Variants in LAMP2 observed in about 807,000 individuals in gnomAD.
LAMP2 encodes the protein lysosome associated membrane protein 2.
Under a neutral mutation model 25.6 loss-of-function variants are expected in LAMP2, and 4 were observed. The ratio of observed to expected loss-of-function variants is 0.16; its 90% CI spans 0.08 to 0.36. The LOEUF is 0.36. Among genes scored for constraint, LAMP2 ranks in the 10% least tolerant of loss-of-function variants. The pLI, the probability that LAMP2 is intolerant of heterozygous loss-of-function variation, is 1.00. For missense variants in LAMP2, 272 were observed against 301.4 expected, an observed-to-expected ratio of 0.90 and a Z score of 0.72; for synonymous variants, 108 against 112.7, an observed-to-expected ratio of 0.96 and a Z score of 0.27.
In LAMP2 at chrX:120,439,140, C is replaced by T. The variant is rs1014291449; in HGVS notation, c.1093+2590G>A. 1.4e-5 allele frequency: 17 copies of T among 1,207,544 alleles called. No homozygotes were observed. In the Admixed American group the frequency reaches 1.8e-4, roughly 12 times the overall value. The stretch of plus-strand genomic sequence containing the variant: ...CTTTTTTCTTTTGTAACAGAGATCA[C>T]GTATTGATTAGTGTTACAGAGTCTG... On this transcript the variant is annotated intron_variant, in intron 8 of 8. Transcript: ENST00000200639.
chrX:120,456,879 A>G, intron 1 of LAMP2, 110 bp from the exon 2 acceptor site: 1 of 443,075 alleles, frequency 2.3e-6, no homozygotes, highest in Non-Finnish European at 4.0e-6. Flanking sequence ...AATGAAACAA[A>G]AGTATTTTAT....
intron 6 of LAMP2, among the ~76,000 whole-genome samples, chrX:120,445,091 A>T (rs923237049): frequency 8.0e-5 from 9 of 112,405 alleles, no homozygotes; most frequent in Non-Finnish European, 1.5e-4. Context: ...GAAAGATCAA[A>T]CTCAATCACT....
chrX:120,436,166 A>T (rs868296141), intron 8 of LAMP2, among the ~76,000 whole-genome samples: 10 of 83,594 alleles, frequency 1.2e-4, no homozygotes, highest in East Asian at 4.8e-4. Flanking sequence ...ACACACACAC[A>T]CACACTCTCT....
intron 1 of LAMP2, among the ~76,000 whole-genome samples, chrX:120,457,951 C>T (rs2266791): frequency 0.32 from 35,743 of 111,522 alleles, 4,582 homozygotes; most frequent in Middle Eastern, 0.45. Flanking sequence ...AAGAGCCTAT[C>T]GTCATGCTCT....
chrX:120,442,493 T>A (rs1172931394), intron 7 of LAMP2, 106 bp downstream of exon 7: 1 of 659,426 alleles, frequency 1.5e-6, no homozygotes, highest in African/African-American at 2.1e-5. Flanking sequence ...TTACATAGCA[T>A]CTTCTGTTTC....
Position 120,429,723 on chromosome X carries a change from C to T in LAMP2, c.*1600G>A. On this transcript the variant is annotated 3_prime_UTR_variant, in exon 9 of 9. Transcript: ENST00000200639. ...CAGCTGTTGTTTTACTGTTGAGTGA[C>T]TAGATTTCATTAGGGGCAATTTTTA... 5.3e-6 allele frequency: 4 copies of T among 753,572 alleles called. No individual in the cohort carries two copies. Among genetic ancestry groups the T allele is most frequent in the South Asian group, 1.3e-4 (2 of 14,820 alleles). The allele number at this position is 753,572 out of a possible 1,213,427, so 62.1% of individuals were successfully genotyped here. A position where few individuals can be genotyped will look rare whatever the true frequency, so the allele number is the denominator to read the frequency against.
intron 8 of LAMP2, chrX:120,437,909 G>T: frequency 2.0e-6 from 1 of 495,454 alleles, no homozygotes; most frequent in Non-Finnish European, 2.5e-6. Context: ...AGGCTGGAGT[G>T]CAATGGTGCG....
chrX:120,446,461 T>C (rs1169017655), intron 5 of LAMP2, 34 bp from the exon 6 acceptor site: 1 of 1,202,399 alleles, frequency 8.3e-7, no homozygotes, highest in Non-Finnish European at 1.1e-6. Context: ...AAGGTACAGG[T>C]TAGCTATAAA....
intron 1 of LAMP2, among the ~76,000 whole-genome samples, chrX:120,458,028 T>C (rs777254737): frequency 4.3e-4 from 48 of 112,101 alleles, no homozygotes; most frequent in Non-Finnish European, 8.5e-4. Context: ...AGTGACTAAA[T>C]GCATTGGCTA....
At chrX:120,461,197 AT>A (rs945526277) in intron 1 of LAMP2, among the ~76,000 whole-genome samples, 1 of 111,451 alleles carries the variant, frequency 9.0e-6, no homozygotes, top group African/African-American at 3.3e-5. Context: ...ATCAGATTGT[AT>A]TTCTCTTCCT....
At chrX:120,443,020 C>G (rs2058580583) in intron 6 of LAMP2, among the ~76,000 whole-genome samples, 1 of 111,328 alleles carries the variant, frequency 9.0e-6, no homozygotes, top group South Asian at 3.8e-4. Flanking sequence ...CAGTCCTAAT[C>G]TTTCCTTTTC....
chrX:120,466,910 T>C (rs1175967034), intron 1 of LAMP2, among the ~76,000 whole-genome samples: 1 of 107,611 alleles, frequency 9.3e-6, no homozygotes, highest in Non-Finnish European at 1.9e-5. Flanking sequence ...TGGCGCAATC[T>C]TGGCTCACCG....
rs1020774241 is a variant in LAMP2 at position 120,430,295 on chromosome X, C to G, written c.*1028G>C. 1.5e-5 allele frequency: 11 copies of G among 753,002 alleles called. No individual in the cohort carries two copies. In the African/African-American group the frequency reaches 2.3e-4, roughly 16 times the overall value. The allele number at this position is 753,002 out of a possible 1,213,427, so 62.1% of individuals were successfully genotyped here. Reference sequence around the variant, plus strand: ...TTAATGCCAACAGCTTCTCTTTACACCCCCATCTATGCACTGCCCCACAGG... The same window carrying G: ...TTAATGCCAACAGCTTCTCTTTACAGCCCCATCTATGCACTGCCCCACAGG... On this transcript the variant is annotated 3_prime_UTR_variant, in exon 9 of 9. Coordinates refer to ENST00000200639, the MANE Select transcript of LAMP2 (RefSeq NM_002294.3).
rs769717509 is a variant in LAMP2, at chrX:120,428,456, A to C, written c.*2867T>G. 2.6e-6 allele frequency: 3 copies of C among 1,147,220 alleles called. No individual in the cohort carries two copies. The highest frequency in any genetic ancestry group is 3.0e-5 in the Admixed American group (1 of 33,426). The allele number at this position is 1,147,220 out of a possible 1,213,427, so 94.5% of individuals were successfully genotyped here. The stretch of plus-strand genomic sequence containing the variant: ...ATGGAAACGTAACTTCTAATTGAAA[A>C]AAACAAACAAACACTAGATTTAACT... On this transcript the variant is annotated 3_prime_UTR_variant, in exon 9 of 9. Coordinates refer to ENST00000200639, the MANE Select transcript of LAMP2 (RefSeq NM_002294.3).
chrX:120,457,048 A>G (rs1191212176), intron 1 of LAMP2, among the ~76,000 whole-genome samples: 1 of 111,187 alleles, frequency 9.0e-6, no homozygotes, highest in Non-Finnish European at 1.9e-5. Flanking sequence ...TGGTTACTAG[A>G]CCTAGGATGC....
chrX:120,465,079 T>G (rs747877535), intron 1 of LAMP2, among the ~76,000 whole-genome samples: 165 of 111,623 alleles, frequency 1.5e-3, no homozygotes, highest in Non-Finnish European at 1.4e-3. Context: ...CATTATATTA[T>G]TTATCTGTTG....
chrX:120,446,880 G>A (rs2058598673), intron 5 of LAMP2, among the ~76,000 whole-genome samples: 1 of 111,911 alleles, frequency 8.9e-6, no homozygotes, highest in African/African-American at 3.3e-5. Flanking sequence ...CCAACCTACA[G>A]TGCATTTCAG....
chrX:120,437,877 T>C (rs1179955423), intron 8 of LAMP2: 2 of 701,322 alleles, frequency 2.9e-6, no homozygotes, highest in African/African-American at 4.7e-5. Context: ...TGTTTTGAGA[T>C]GGAGTTTCGT....
Position 120,429,148 on chromosome X carries a change from G to A in LAMP2, c.*2175C>T, listed in dbSNP as rs191802231. The A allele has an allele frequency of 4.0e-4, 242 of 610,762 alleles. No homozygotes were observed. In the African/African-American group the frequency reaches 6.0e-3, roughly 15 times the overall value. 50.3% of individuals were successfully genotyped at this position (610,762 alleles called of 1,213,427 possible). On this transcript the variant is annotated 3_prime_UTR_variant, in exon 9 of 9. Transcript: ENST00000200639. ...TATATATGTGTGTGTGTATATATAT[G>A]TGTGTGTGTGTACATATATATATAT...
Sources: allele counts gnomAD v4.1 joint callset (sites outside exome capture counted in the v4.1 genomes callset), GRCh38; gene constraint gnomAD v4.1.1; transcripts MANE v1.5; gene names NCBI Gene and HGNC (gene_info 2026-07-23, HGNC 2026-07-21).